MYLK: variants seen among roughly 807,000 people sequenced by gnomAD.
MYLK encodes myosin light chain kinase, also known as myosin light chain kinase, smooth muscle.
Under a neutral mutation model 203.4 loss-of-function variants are expected in MYLK, and 106 were observed. That is an observed-to-expected ratio of 0.52 (90% CI 0.45 to 0.61). The LOEUF (loss-of-function observed/expected upper bound fraction) is 0.61. Ranked by LOEUF, MYLK falls within the 20% of genes least tolerant of loss-of-function variation. The pLI is 0.00. For synonymous variants in MYLK, 867 were observed against 959.5 expected, an observed-to-expected ratio of 0.90 and a Z score of 1.78; for missense variants, 2,072 against 2,442.3, an observed-to-expected ratio of 0.85 and a Z score of 3.20.
intron 3 of MYLK, among the ~76,000 whole-genome samples, chr3:123,803,358 C>T (rs1200671891): frequency 1.3e-5 from 2 of 152,178 alleles, no homozygotes; most frequent in Non-Finnish European, 2.9e-5. Flanking sequence ...AGAATAAAAG[C>T]AACCTTGCTC....
Position 123,733,053 on chromosome 3 carries a change from G to C in MYLK, c.1359C>G (p.Pro453=), listed in dbSNP as rs200973568. The change falls in exon 11 of 34, where the codon CCC becomes CCG. Residue 453 remains proline, a synonymous_variant. Coordinates refer to ENST00000360304, the MANE Select transcript of MYLK (RefSeq NM_053025.4). ...CAATGCTGCCTTCCTGTCTCCTCAC[G>C]GGGGTGCCTTCCAGGAACCAGGCCA... The part of the protein sequence containing the change: ...PEVAWFLEGT[P]VRRQEGSIEV... The C allele has an allele frequency of 3.1e-6, 5 of 1,613,916 alleles. No homozygotes were observed. The highest frequency in any genetic ancestry group is 2.7e-5 in the African/African-American group (2 of 74,900).
At chr3:123,806,885 G>A (rs1352488764) in intron 3 of MYLK, among the ~76,000 whole-genome samples, 3 of 151,168 alleles carry the variant, frequency 2.0e-5, no homozygotes, top group South Asian at 4.2e-4. Flanking sequence ...GGCTGGTCTC[G>A]AACTCCTGAC....
chr3:123,653,270 C>T (rs1028901107), intron 24 of MYLK, among the ~76,000 whole-genome samples: 11 of 152,260 alleles, frequency 7.2e-5, no homozygotes, highest in East Asian at 1.9e-4. Flanking sequence ...TGAACACACA[C>T]GCCACTTCCC....
intron 2 of MYLK, among the ~76,000 whole-genome samples, chr3:123,872,918 C>G (rs1198415408): frequency 1.3e-5 from 2 of 152,104 alleles, no homozygotes; most frequent in Admixed American, 6.5e-5. Context: ...TTCCAACCTT[C>G]TAATTACATG....
chr3:123,692,882 G>A lies in MYLK; in HGVS notation c.3449-31C>T, dbSNP rs140459990. ...GAGGAAGAATTGTGGAGTGAACCAGGTGTGGTCGTAGTACCTGCCCTGGCA... is the reference window on the plus strand; with the variant it reads ...GAGGAAGAATTGTGGAGTGAACCAGATGTGGTCGTAGTACCTGCCCTGGCA... On this transcript the variant is annotated intron_variant, in intron 18 of 33. Transcript: ENST00000360304. 1.2e-4 allele frequency: 192 copies of A among 1,587,428 alleles called. No individual in the cohort carries two copies. In the East Asian group the frequency reaches 4.2e-3, roughly 35 times the overall value.
chr3:123,620,466 G>C, intron 31 of MYLK, 130 bp from the exon 32 acceptor site: 1 of 1,580,926 alleles, frequency 6.3e-7, no homozygotes, highest in Non-Finnish European at 8.6e-7. Flanking sequence ...CCTCCTGAGA[G>C]CCGAGGTTCT....
intron 27 of MYLK, among the ~76,000 whole-genome samples, chr3:123,645,880 A>C (rs2059002435): frequency 6.6e-6 from 1 of 152,234 alleles, no homozygotes; most frequent in Admixed American, 6.5e-5. Flanking sequence ...GCGGTGGCTC[A>C]CGCCTGTAAT....
At chr3:123,710,226 C>A (rs1020011372) in intron 13 of MYLK, among the ~76,000 whole-genome samples, 7 of 152,146 alleles carry the variant, frequency 4.6e-5, no homozygotes, top group African/African-American at 1.7e-4. Flanking sequence ...AAGAGTATGG[C>A]AAGTCTCCCT....
At chr3:123,805,582 C>A (rs1325440789) in intron 3 of MYLK, among the ~76,000 whole-genome samples, 5 of 152,162 alleles carry the variant, frequency 3.3e-5, no homozygotes, top group Non-Finnish European at 7.3e-5. Context: ...AGAGCTGTAT[C>A]ATAAACACAG....
In MYLK at chr3:123,681,427, A is replaced by C. The variant is rs138200855; in HGVS notation, c.3652+797T>G. Reference sequence around the variant, plus strand: ...TAATTGCTTGAACAGACCCTGTACAATGGAGGAGGGAGGATGAGACCCAGA... The same window carrying C: ...TAATTGCTTGAACAGACCCTGTACACTGGAGGAGGGAGGATGAGACCCAGA... On this transcript the variant is annotated intron_variant, in intron 20 of 33. Transcript: ENST00000360304. 2.0e-5 allele frequency: 3 copies of C among 152,568 alleles called. No individual in the cohort carries two copies. The East Asian group carries it at 5.8e-4, about 29-fold the overall frequency. The allele number at this position is 152,568 out of a possible 1,614,324, so 9.5% of individuals were successfully genotyped here.
At chr3:123,836,580 G>C (rs2066479458) in intron 2 of MYLK, among the ~76,000 whole-genome samples, 1 of 152,134 alleles carries the variant, frequency 6.6e-6, no homozygotes, top group African/African-American at 2.4e-5. Flanking sequence ...TGCAGCTAAG[G>C]AGCACCTGGT....
At chr3:123,846,335 G>T (rs112627795) in intron 2 of MYLK, among the ~76,000 whole-genome samples, 1 of 152,084 alleles carries the variant, frequency 6.6e-6, no homozygotes, top group South Asian at 2.1e-4. Flanking sequence ...GCTTTAAAAC[G>T]CATATAAACA....
At chr3:123,730,982 C>T (rs2062455318) in intron 11 of MYLK, among the ~76,000 whole-genome samples, 1 of 152,156 alleles carries the variant, frequency 6.6e-6, no homozygotes, top group Non-Finnish European at 1.5e-5. Flanking sequence ...TGTATTACCC[C>T]ATGACGCGAA....
In MYLK at chr3:123,798,671, G is replaced by A. The variant is rs117868542; in HGVS notation, c.-3-4827C>T. Reference sequence around the variant, plus strand: ...TGGCTTCAGGTTAGAAAAGGAACACGCAAATCAATACAGCAAGGGAACATC... The same window carrying A: ...TGGCTTCAGGTTAGAAAAGGAACACACAAATCAATACAGCAAGGGAACATC... On this transcript the variant is annotated intron_variant, in intron 3 of 33. Transcript: ENST00000360304. Among the ~76,000 whole-genome samples, 72 of 152,198 alleles carry A rather than the reference G, an allele frequency of 4.7e-4. 1 individual carries two copies. In the East Asian group the frequency reaches 0.011, roughly 23 times the overall value.
intron 5 of MYLK, among the ~76,000 whole-genome samples, chr3:123,742,484 T>C (rs1396663832): frequency 6.6e-6 from 1 of 151,926 alleles, no homozygotes; most frequent in Non-Finnish European, 1.5e-5. Context: ...ATAAATACAA[T>C]GGTAAAGAAG....
At chr3:123,721,823 G>C (rs1221705780) in intron 13 of MYLK, among the ~76,000 whole-genome samples, 1 of 146,286 alleles carries the variant, frequency 6.8e-6, no homozygotes, top group Non-Finnish European at 1.5e-5. Flanking sequence ...AGTGGAGTGA[G>C]GGGGTGAGGA....
intron 33 of MYLK, chr3:123,616,895 A>C (rs996161917): frequency 1.3e-5 from 2 of 152,356 alleles, no homozygotes; most frequent in Admixed American, 6.5e-5. Flanking sequence ...TTCCAGCCTC[A>C]GGTATTCCTT....
chr3:123,721,443 G>A (rs1417918425), intron 13 of MYLK, among the ~76,000 whole-genome samples: 1 of 152,230 alleles, frequency 6.6e-6, no homozygotes, highest in African/African-American at 2.4e-5. Context: ...CCACAGCCCA[G>A]ACAGATCTGT....
At chr3:123,778,544 A>AT (rs1263797559) in intron 4 of MYLK, among the ~76,000 whole-genome samples, 106 of 150,300 alleles carry the variant, frequency 7.1e-4, no homozygotes, top group Non-Finnish European at 6.3e-4. Context: ...TCACCAATCT[A>AT]TAAGTCAGCA....
Sources: gnomAD v4.1 joint callset for allele counts (sites outside exome capture counted in the v4.1 genomes callset) on GRCh38, gnomAD v4.1.1 for gene constraint, MANE v1.5 for transcripts, NCBI Gene and HGNC (gene_info 2026-07-23, HGNC 2026-07-21) for gene names.